The following NBEAL1 variants were observed in gnomAD, a reference collection of about 807,000 sequenced individuals.
NBEAL1 encodes neurobeachin-like protein 1.
Under a neutral mutation model 351.3 loss-of-function variants are expected in NBEAL1, and 273 were observed. That is an observed-to-expected ratio of 0.78 (90% confidence interval 0.70 to 0.86). The LOEUF (loss-of-function observed/expected upper bound fraction) is 0.86, where lower values mean the gene tolerates loss of function less well. Among genes scored for constraint, NBEAL1 ranks in the 40% least tolerant of loss-of-function variants. The pLI is 0.00. For synonymous variants in NBEAL1, 1,050 were observed against 1,086.4 expected, an observed-to-expected ratio of 0.97 and a Z score of 0.66; for missense variants, 2,961 against 3,201.3, an observed-to-expected ratio of 0.92 and a Z score of 1.81.
intron 18 of NBEAL1, among the ~76,000 whole-genome samples, chr2:203,117,841 C>A (rs1399471266): frequency 3.3e-5 from 5 of 150,902 alleles, no homozygotes; most frequent in Non-Finnish European, 5.9e-5. Context: ...TGCCACCATG[C>A]TGAGCTTTTT....
rs34588218 is a variant in NBEAL1, at chr2:203,070,359, C to CTT, written c.598+1903_598+1904dup. On this transcript the variant is annotated intron_variant, in intron 7 of 55. Coordinates refer to ENST00000683969, the MANE Select transcript of NBEAL1 (RefSeq NM_001378026.1). ...TGTATTTCTCTCTCTCTCTCTCTCT[C>CTT]TTTTTTTTTTTTTTTTTTTTGAGAA... 4.7e-3 allele frequency among the ~76,000 whole-genome samples: 432 copies of CTT among 92,268 alleles called. 1 individual carries two copies. The highest frequency in any genetic ancestry group is 0.012 in the Middle Eastern group (1 of 82). 60.5% of individuals were successfully genotyped at this position (92,268 alleles called of 152,430 possible).
At chr2:203,213,167 G>A (rs1184535388) in intron 54 of NBEAL1, among the ~76,000 whole-genome samples, 2 of 152,124 alleles carry the variant, frequency 1.3e-5, no homozygotes. Context: ...TGTAAAAACT[G>A]AAGTAATAAT....
At chr2:203,100,960 TTTG>T (rs1237840540) in intron 12 of NBEAL1, among the ~76,000 whole-genome samples, 1 of 152,214 alleles carries the variant, frequency 6.6e-6, no homozygotes, top group Non-Finnish European at 1.5e-5. Context: ...ATATTAGACC[TTTG>T]TTGGATGCAT....
chr2:203,078,761 A>G lies in NBEAL1; in HGVS notation c.684+924A>G, dbSNP rs549837788. Among the ~76,000 whole-genome samples the G allele has an allele frequency of 4.4e-4, 67 of 152,332 alleles. 1 individual carries two copies. Among genetic ancestry groups the G allele is most frequent in the African/African-American group, 1.2e-3 (48 of 41,592 alleles). On this transcript the variant is annotated intron_variant, in intron 8 of 55. Coordinates refer to ENST00000683969, the MANE Select transcript of NBEAL1 (RefSeq NM_001378026.1). The stretch of plus-strand genomic sequence containing the variant: ...TAGATCAGAGGTTCCTAACACTTGT[A>G]CTTTTTATAGCACACGTCCCCTTGG...
At chr2:203,167,493 G>T in intron 38 of NBEAL1, 133 bp downstream of exon 38, 1 of 905,998 alleles carries the variant, frequency 1.1e-6, no homozygotes, top group Non-Finnish European at 1.6e-6. Context: ...CATACTTTGG[G>T]GGCTAATCAG....
At chr2:203,212,966 G>A (rs1315237509) in intron 54 of NBEAL1, among the ~76,000 whole-genome samples, 1 of 152,022 alleles carries the variant, frequency 6.6e-6, no homozygotes, top group African/African-American at 2.4e-5. Flanking sequence ...CTCAGAGAAC[G>A]GTGACTAGTA....
intron 38 of NBEAL1, among the ~76,000 whole-genome samples, 163 bp downstream of exon 38, chr2:203,167,523 A>T (rs2064172908): frequency 6.6e-6 from 1 of 152,146 alleles, no homozygotes; most frequent in South Asian, 2.1e-4. Flanking sequence ...TTTTGTTGAG[A>T]TTTATATACG....
chr2:203,055,590 G>A (rs1427146929), intron 4 of NBEAL1, among the ~76,000 whole-genome samples: 1 of 146,422 alleles, frequency 6.8e-6, no homozygotes, highest in Non-Finnish European at 1.5e-5. Flanking sequence ...GGGCAACCGA[G>A]CAAGATCCCA....
chr2:203,184,702 A>T (rs977183817), intron 44 of NBEAL1, among the ~76,000 whole-genome samples: 1 of 151,668 alleles, frequency 6.6e-6, no homozygotes, highest in Admixed American at 6.6e-5. Flanking sequence ...TCAGAATTTG[A>T]TTATAATATT....
intron 8 of NBEAL1, among the ~76,000 whole-genome samples, chr2:203,080,783 G>T (rs566025033): frequency 6.6e-6 from 1 of 152,056 alleles, no homozygotes. Context: ...GCTTAATCAC[G>T]TTCCAGTATT....
chr2:203,152,268 G>A (rs889436743), intron 35 of NBEAL1, among the ~76,000 whole-genome samples: 2 of 150,496 alleles, frequency 1.3e-5, no homozygotes, highest in Admixed American at 6.6e-5. Context: ...ATAATTCTTA[G>A]CAATCCTTTA....
At chr2:203,099,552 C>T in intron 11 of NBEAL1, 77 bp from the exon 12 acceptor site, 1 of 915,016 alleles carries the variant, frequency 1.1e-6, no homozygotes, top group East Asian at 2.7e-5. Flanking sequence ...TTCAGGTTTT[C>T]AGACCAAAGG....
chr2:203,051,475 G>A (rs1346736934), intron 4 of NBEAL1, among the ~76,000 whole-genome samples: 2 of 151,846 alleles, frequency 1.3e-5, no homozygotes, highest in Non-Finnish European at 2.9e-5. Flanking sequence ...GAACCTGGGA[G>A]GCGGAGGTTT....
intron 51 of NBEAL1, among the ~76,000 whole-genome samples, chr2:203,203,732 T>A (rs924722500): frequency 6.6e-6 from 1 of 152,098 alleles, no homozygotes; most frequent in Non-Finnish European, 1.5e-5. Context: ...TTCTAATTTT[T>A]TTTGTTTTCT....
chr2:203,167,358 G>GAGGTATGT lies in NBEAL1; in HGVS notation c.5997_5997+7dup. The GAGGTATGT allele has an allele frequency of 6.2e-7, 1 of 1,608,956 alleles. No homozygotes were observed. Among genetic ancestry groups the GAGGTATGT allele is most frequent in the South Asian group, 1.1e-5 (1 of 89,896 alleles). ...CAACTACTTTCTCAATTTCAAAAAA[G>GAGGTATGT]AGGTATGTATTATGGTTTCAGGAAA... On this transcript the variant is annotated frameshift_variant and splice_region_variant, in exon 38 of 56. Transcript: ENST00000683969. LOFTEE classifies it high-confidence loss of function.
rs1456391387 is a variant in NBEAL1, at chr2:203,217,882, A to G, written c.*528A>G. ...TGCATGGTAAGAATAAAATAAGAAT[A>G]TTGAAACTGGTACATTAGCTAATTC... On this transcript the variant is annotated 3_prime_UTR_variant, in exon 56 of 56. Coordinates refer to ENST00000683969, the MANE Select transcript of NBEAL1 (RefSeq NM_001378026.1). The G allele has an allele frequency of 4.1e-6, 4 of 984,410 alleles. No individual in the cohort carries two copies. The highest frequency in any genetic ancestry group is 4.8e-6 in the Non-Finnish European group (4 of 829,090). The allele number at this position is 984,410 out of a possible 1,614,324, so 61.0% of individuals were successfully genotyped here. A position where few individuals can be genotyped will look rare whatever the true frequency, so the allele number is the denominator to read the frequency against.
chr2:203,130,333 G>C lies in NBEAL1; in HGVS notation c.3421G>C (p.Asp1141His). 5 of 1,527,458 alleles carry C rather than the reference G, an allele frequency of 3.3e-6. No individual in the cohort carries two copies. The highest frequency in any genetic ancestry group is 4.4e-6 in the Non-Finnish European group (5 of 1,138,992). The allele number at this position is 1,527,458 out of a possible 1,614,324, so 94.6% of individuals were successfully genotyped here. The change falls in exon 25 of 56, where the codon GAC becomes CAC. Residue 1141 changes from aspartate (D) to histidine (H), a missense_variant. Coordinates refer to ENST00000683969, the MANE Select transcript of NBEAL1 (RefSeq NM_001378026.1). ...ATTTTAAAAGCTCTTTGGAATTTTG[G>C]ACGTGCTCTTCAGTCTCCTACGTAC... ...NEEEQLFGILDVLFSLLRTSP... is the reference protein window; with the variant it reads ...NEEEQLFGILHVLFSLLRTSP...
At chr2:203,080,460 CCTT>C (rs947550324) in intron 8 of NBEAL1, among the ~76,000 whole-genome samples, 4 of 152,074 alleles carry the variant, frequency 2.6e-5, no homozygotes, top group African/African-American at 9.7e-5. Flanking sequence ...CCCCTTTCCT[CCTT>C]GTTTTTGCTC....
In NBEAL1 at chr2:203,123,902, G is replaced by A. The variant is rs187215670; in HGVS notation, c.2683-1450G>A. Reference sequence around the variant, plus strand: ...AGCAACAGATTATCAAGAGAAAGGCGTATTTTTATACTGTAGCCAAATCAA... The same window carrying A: ...AGCAACAGATTATCAAGAGAAAGGCATATTTTTATACTGTAGCCAAATCAA... On this transcript the variant is annotated intron_variant, in intron 19 of 55. Coordinates refer to ENST00000683969, the MANE Select transcript of NBEAL1 (RefSeq NM_001378026.1). Among the ~76,000 whole-genome samples, 11 of 152,060 alleles carry A rather than the reference G, an allele frequency of 7.2e-5. No homozygotes were observed. In the East Asian group the frequency reaches 1.5e-3, roughly 21 times the overall value.
Sources: allele counts gnomAD v4.1 joint callset (sites outside exome capture counted in the v4.1 genomes callset), GRCh38; gene constraint gnomAD v4.1.1; transcripts MANE v1.5; gene names NCBI Gene and HGNC (gene_info 2026-07-23, HGNC 2026-07-21).